Variants in SGCZ observed in about 807,000 individuals in gnomAD.
The protein encoded by SGCZ is sarcoglycan zeta.
A neutral mutation model predicts 41.3 loss-of-function variants in SGCZ; 40 were observed. The ratio of observed to expected loss-of-function variants is 0.97; its 90% confidence interval spans 0.75 to 1.26. The LOEUF (loss-of-function observed/expected upper bound fraction) is 1.26. Ranked by LOEUF, SGCZ falls within the 50% of genes most tolerant of loss-of-function variation. The probability of loss-of-function intolerance (pLI) is 0.00; values close to 1 mark genes in which losing one functional copy is unlikely to be tolerated. For synonymous variants in SGCZ, 206 were observed against 137.5 expected (o/e 1.50, Z -3.49); for missense variants, 552 against 369.8 (o/e 1.49, Z -4.04).
At chr8:14,683,381 GCAATATATAA>G (rs1255178726) in intron 1 of SGCZ, among the ~76,000 whole-genome samples, 1 of 151,596 alleles carries the variant, frequency 6.6e-6, no homozygotes, top group African/African-American at 2.4e-5. Context: ...ACATTCAGAA[GCAATATATAA>G]AAAAAGAATT....
At chr8:14,512,953 T>G (rs894382123) in intron 2 of SGCZ, among the ~76,000 whole-genome samples, 1 of 151,658 alleles carries the variant, frequency 6.6e-6, no homozygotes, top group Admixed American at 6.6e-5. Context: ...AGCCTGATAA[T>G]GTCTATTGTT....
chr8:14,309,705 A>G, intron 3 of SGCZ: 1 of 1,609,162 alleles, frequency 6.2e-7, no homozygotes, highest in Non-Finnish European at 8.5e-7. Context: ...CTCACAGGAG[A>G]CTGAGTTAAG....
intron 1 of SGCZ, among the ~76,000 whole-genome samples, chr8:14,628,871 C>T (rs1252816649): frequency 1.1e-4 from 17 of 152,052 alleles, no homozygotes; most frequent in Admixed American, 1.1e-3. Context: ...GTGTGGTTCT[C>T]ATAATTCCTA....
chr8:15,210,441 T>C (rs992355210), intron 1 of SGCZ, among the ~76,000 whole-genome samples: 4 of 151,958 alleles, frequency 2.6e-5, no homozygotes, highest in Non-Finnish European at 4.4e-5. Flanking sequence ...ACTGTGTCCT[T>C]TATAACCCTA....
At chr8:14,856,896 G>A (rs1281721891) in intron 1 of SGCZ, among the ~76,000 whole-genome samples, 1 of 152,102 alleles carries the variant, frequency 6.6e-6, no homozygotes, top group Non-Finnish European at 1.5e-5. Context: ...ATCTAAGACT[G>A]AGTCAACAGT....
intron 2 of SGCZ, among the ~76,000 whole-genome samples, chr8:14,346,672 A>C (rs1448341856): frequency 6.6e-6 from 1 of 152,078 alleles, no homozygotes; most frequent in Non-Finnish European, 1.5e-5. Context: ...ATAAAACTGA[A>C]GCTGTTTTAC....
At chr8:14,673,519 C>G in intron 1 of SGCZ, among the ~76,000 whole-genome samples, 1 of 152,012 alleles carries the variant, frequency 6.6e-6, no homozygotes, top group Non-Finnish European at 1.5e-5. Flanking sequence ...TCCCCTTTGC[C>G]TTCGCCATGA....
chr8:14,701,518 C>G (rs1234310313), intron 1 of SGCZ, among the ~76,000 whole-genome samples: 1 of 151,956 alleles, frequency 6.6e-6, no homozygotes, highest in African/African-American at 2.4e-5. Flanking sequence ...TGAAAACAAC[C>G]AGCAATCACT....
intron 1 of SGCZ, among the ~76,000 whole-genome samples, chr8:15,049,280 C>A (rs913066852): frequency 1.3e-5 from 2 of 151,968 alleles, no homozygotes; most frequent in African/African-American, 4.8e-5. Flanking sequence ...GGAGGAAATT[C>A]AATATATACA....
chr8:15,150,793 T>A (rs998769431), intron 1 of SGCZ, among the ~76,000 whole-genome samples: 4 of 152,180 alleles, frequency 2.6e-5, no homozygotes, highest in African/African-American at 9.7e-5. Context: ...AAATTCTCCT[T>A]TGATTTAAGC....
intron 1 of SGCZ, among the ~76,000 whole-genome samples, chr8:14,767,194 C>T (rs1443802267): frequency 1.3e-5 from 2 of 152,128 alleles, no homozygotes; most frequent in Non-Finnish European, 2.9e-5. Context: ...GGCACAAGGT[C>T]TATCTCCTAG....
intron 4 of SGCZ, among the ~76,000 whole-genome samples, chr8:14,224,726 G>C (rs148427433): frequency 6.6e-6 from 1 of 152,260 alleles, no homozygotes; most frequent in African/African-American, 2.4e-5. Context: ...GCATAGCAAA[G>C]TAGAGAATGG....
intron 1 of SGCZ, among the ~76,000 whole-genome samples, chr8:14,864,984 T>A (rs1316806083): frequency 6.6e-6 from 1 of 152,024 alleles, no homozygotes; most frequent in Admixed American, 6.6e-5. Context: ...ATTTGCTCAA[T>A]TTTTAGCCCA....
At chr8:14,311,077 AT>A (rs550134837) in intron 3 of SGCZ, among the ~76,000 whole-genome samples, 24 of 151,938 alleles carry the variant, frequency 1.6e-4, no homozygotes, top group African/African-American at 5.6e-4. Flanking sequence ...TTTATAAATA[AT>A]TTTTTTTCTT....
chr8:14,829,983 T>A (rs964618286), intron 1 of SGCZ, among the ~76,000 whole-genome samples: 1 of 152,140 alleles, frequency 6.6e-6, no homozygotes, highest in Non-Finnish European at 1.5e-5. Flanking sequence ...GCTAATTTTT[T>A]CTATTTTTTA....
intron 1 of SGCZ, among the ~76,000 whole-genome samples, chr8:15,175,128 A>G (rs1799958459): frequency 6.6e-6 from 1 of 152,126 alleles, no homozygotes; most frequent in South Asian, 2.1e-4. Flanking sequence ...AATTAAAAAT[A>G]AATTTAAAAA....
At chr8:14,784,913 A>AAAAAATATATAT (rs1408574493) in intron 1 of SGCZ, among the ~76,000 whole-genome samples, 28 of 88,022 alleles carry the variant, frequency 3.2e-4, no homozygotes, top group African/African-American at 1.2e-3. Flanking sequence ...AAAAAAAAAA[A>AAAAAATATATAT]ATATATATAT....
intron 4 of SGCZ, among the ~76,000 whole-genome samples, chr8:14,210,832 T>C (rs973801595): frequency 6.6e-6 from 1 of 152,208 alleles, no homozygotes; most frequent in Non-Finnish European, 1.5e-5. Context: ...GATTGTTCTT[T>C]ACAGCAACCA....
At chr8:14,811,603 G>A (rs1801740919) in intron 1 of SGCZ, among the ~76,000 whole-genome samples, 1 of 132,556 alleles carries the variant, frequency 7.5e-6, no homozygotes, top group Non-Finnish European at 1.5e-5. Context: ...AAAAGAGAAG[G>A]TTTTGTTTGA....
Sources: allele counts gnomAD v4.1 joint callset (sites outside exome capture counted in the v4.1 genomes callset), GRCh38; gene constraint gnomAD v4.1.1; transcripts MANE v1.5; gene names NCBI Gene and HGNC (gene_info 2026-07-23, HGNC 2026-07-21).